BCL11B: variants seen among roughly 807,000 people sequenced by gnomAD.
The protein encoded by BCL11B is BCL11 transcription factor B, also known as B-cell lymphoma/leukemia 11B.
Under a neutral mutation model 49.9 loss-of-function variants are expected in BCL11B, and 8 were observed. The ratio of observed to expected loss-of-function variants is 0.16; its 90% CI spans 0.09 to 0.29. The LOEUF (loss-of-function observed/expected upper bound fraction) is 0.29, where lower values mean the gene tolerates loss of function less well. Ranked by LOEUF, BCL11B falls within the 10% of genes least tolerant of loss-of-function variation. BCL11B has a pLI of 1.00. For synonymous variants in BCL11B, 739 were observed against 637.4 expected (o/e 1.16, Z -2.40); for missense variants, 1,006 against 1,351.0 (o/e 0.74, Z 4.00).
At chr14:99,203,763 A>T (rs1484598378) in intron 3 of BCL11B, among the ~76,000 whole-genome samples, 1 of 152,188 alleles carries the variant, frequency 6.6e-6, no homozygotes, top group East Asian at 1.9e-4. Flanking sequence ...CCTACCCCCA[A>T]CACTGAAGGC....
rs978313472 is a variant in BCL11B, at chr14:99,259,063, G to T, written c.59-1224C>A. Among the ~76,000 whole-genome samples, 12 of 152,260 alleles carry T rather than the reference G, an allele frequency of 7.9e-5. 1 individual carries two copies. The East Asian group carries it at 2.3e-3, about 29-fold the overall frequency. ...GTGGAGGTTTCATATTCCCCTCGGG[G>T]TCTGAGCAAATTCGGGCTGGAATTT... is the stretch of plus-strand genomic sequence containing the variant. On this transcript the variant is annotated intron_variant, in intron 1 of 3. Transcript: ENST00000357195.
At chr14:99,186,357 C>T (rs902770054) in intron 3 of BCL11B, among the ~76,000 whole-genome samples, 2 of 152,206 alleles carry the variant, frequency 1.3e-5, no homozygotes, top group Admixed American at 1.3e-4. Flanking sequence ...CTCGTCTCTA[C>T]TAAAAATACA....
Position 99,247,574 on chromosome 14 carries a change from C to T in BCL11B, c.427+9897G>A, listed in dbSNP as rs1888884278. Among the ~76,000 whole-genome samples the T allele has an allele frequency of 6.6e-6, 1 of 152,200 alleles. No homozygotes were observed. The highest frequency in any genetic ancestry group is 6.5e-5 in the Admixed American group (1 of 15,280). On this transcript the variant is annotated intron_variant, in intron 2 of 3. Transcript: ENST00000357195. The surrounding 1 kb of genome is among the most constrained non-coding windows in gnomAD (Gnocchi z 4.5). ...CTGGCTACACTCTCCAGGAGGTGTG[C>T]TCTACCCTGAAAAAGGCTTTGAAAT...
At position 99,245,951 on chromosome 14, in the gene BCL11B, G is replaced by A. The variant is rs375457644; in HGVS notation, c.427+11520C>T. ...TGCTGGGCTGGGGACCGACGGGGGC[G>A]GGGGGGAAAGGAGCCGGGAAAAAAG... On this transcript the variant is annotated intron_variant, in intron 2 of 3. Transcript: ENST00000357195. Among the ~76,000 whole-genome samples, 10 of 151,982 alleles carry A rather than the reference G, an allele frequency of 6.6e-5. No homozygotes were observed. In the South Asian group the frequency reaches 1.5e-3, roughly 22 times the overall value.
chr14:99,217,763 G>C (rs1013090564), intron 3 of BCL11B, among the ~76,000 whole-genome samples: 2 of 152,246 alleles, frequency 1.3e-5, no homozygotes, highest in African/African-American at 4.8e-5. Flanking sequence ...CAGACAAATG[G>C]TGCTCAGAAC....
intron 3 of BCL11B, among the ~76,000 whole-genome samples, chr14:99,182,001 C>G (rs923347842): frequency 6.6e-6 from 1 of 152,126 alleles, no homozygotes; most frequent in African/African-American, 2.4e-5. Context: ...TCTTTCATGA[C>G]GTCAGAAAGG....
chr14:99,228,090 C>T lies in BCL11B; in HGVS notation c.640+3255G>A, dbSNP rs1316884440. On this transcript the variant is annotated intron_variant, in intron 3 of 3. Transcript: ENST00000357195. This position sits in a 1 kb window ranked among gnomAD's most constrained non-coding sequence, Gnocchi z 4.8. ...AACTGCAGATGCGGTAACAGGCACG[C>T]AATTAACCTGTGTGAAACACGTTTA... 6.6e-6 allele frequency among the ~76,000 whole-genome samples: 1 copy of T among 152,194 alleles called. No homozygotes were observed. Among genetic ancestry groups the T allele is most frequent in the African/African-American group, 2.4e-5 (1 of 41,454 alleles).
At chr14:99,229,271 A>G (rs1385134817) in intron 3 of BCL11B, among the ~76,000 whole-genome samples, 1 of 152,188 alleles carries the variant, frequency 6.6e-6, no homozygotes, top group Admixed American at 6.5e-5. Flanking sequence ...TCAAGAAGGC[A>G]CACATGCCCA....
In BCL11B at chr14:99,263,874, C is replaced by T. The variant is rs147383555; in HGVS notation, c.59-6035G>A. Among the ~76,000 whole-genome samples, 184 of 152,348 alleles carry T rather than the reference C, an allele frequency of 1.2e-3. 2 individuals carry two copies. The South Asian group carries it at 0.017, about 14-fold the overall frequency. ...AGAACAAGTGAATAAGGAAAACATA[C>T]TCAGGTATATTCACAGGTCTCAGCC... On this transcript the variant is annotated intron_variant, in intron 1 of 3. Coordinates refer to ENST00000357195, the MANE Select transcript of BCL11B (RefSeq NM_138576.4).
At chr14:99,252,180 G>A (rs1222200857) in intron 2 of BCL11B, among the ~76,000 whole-genome samples, 7 of 152,090 alleles carry the variant, frequency 4.6e-5, no homozygotes, top group Admixed American at 4.6e-4. Flanking sequence ...CTATTCCTCG[G>A]TGCAGACAGA....
Position 99,175,610 on chromosome 14 carries a change from A to C in BCL11B, c.1226T>G (p.Leu409Arg). The change falls in exon 4 of 4, where the codon CTG becomes CGG. Residue 409 changes from leucine to arginine, a missense_variant. Physicochemically the swap from Leu to Arg is moderately radical, Grantham distance 102. This residue lies in a region of BCL11B where 97 missense variants were observed against 81.5 expected (regional missense o/e 1.19). Transcript: ENST00000357195. Reference protein sequence around the residue: ...PKSPFLSTPPLPPMPPGGTPP... With the variant: ...PKSPFLSTPPRPPMPPGGTPP... ...CGTGCCGCCAGGGGGCATGGGCGGC[A>C]GCGGCGGCGTGCTCAGGAACGGGGA... 1 of 1,564,636 alleles carries C rather than the reference A, an allele frequency of 6.4e-7. No homozygotes were observed. The highest frequency in any genetic ancestry group is 8.6e-7 in the Non-Finnish European group (1 of 1,161,942).
At chr14:99,259,122 C>T (rs915725077) in intron 1 of BCL11B, among the ~76,000 whole-genome samples, 12 of 152,088 alleles carry the variant, frequency 7.9e-5, no homozygotes, top group African/African-American at 2.9e-4. Flanking sequence ...GTAGAGAAGA[C>T]ACGAGTGGCG....
intron 3 of BCL11B, among the ~76,000 whole-genome samples, chr14:99,212,168 G>C (rs552314614): frequency 5.9e-5 from 9 of 152,248 alleles, no homozygotes; most frequent in South Asian, 2.1e-4. Flanking sequence ...CTGAGCACTG[G>C]GGGGGCTAGA....
intron 1 of BCL11B, among the ~76,000 whole-genome samples, chr14:99,261,055 A>G (rs1889322661): frequency 6.6e-6 from 1 of 152,178 alleles, no homozygotes; most frequent in South Asian, 2.1e-4. Flanking sequence ...CCCGATTCCA[A>G]AGAACGGGGT....
At chr14:99,265,883 T>C (rs1312461261) in intron 1 of BCL11B, among the ~76,000 whole-genome samples, 1 of 152,230 alleles carries the variant, frequency 6.6e-6, no homozygotes, top group Non-Finnish European at 1.5e-5. Context: ...TCTGCTCATA[T>C]ATTGAACTCT....
chr14:99,195,591 G>C lies in BCL11B; in HGVS notation c.641-19396C>G, dbSNP rs967012192. ...GCTCGTATGCCTTGGATTCCACATG[G>C]AGGATCCAAGCTCAGAGAGGTAAAG... is the stretch of plus-strand genomic sequence containing the variant. On this transcript the variant is annotated intron_variant, in intron 3 of 3. Transcript: ENST00000357195. This position sits in a 1 kb window ranked among gnomAD's most constrained non-coding sequence, Gnocchi z 4.7. Among the ~76,000 whole-genome samples, 1 of 152,146 alleles carries C rather than the reference G, an allele frequency of 6.6e-6. No individual in the cohort carries two copies. The highest frequency in any genetic ancestry group is 2.4e-5 in the African/African-American group (1 of 41,408).
chr14:99,228,994 A>G lies in BCL11B; in HGVS notation c.640+2351T>C, dbSNP rs1888235906. On this transcript the variant is annotated intron_variant, in intron 3 of 3. Coordinates refer to ENST00000357195, the MANE Select transcript of BCL11B (RefSeq NM_138576.4). This position sits in a 1 kb window ranked among gnomAD's most constrained non-coding sequence, Gnocchi z 4.8. ...TGGATGCATGGATGGATGGATGGCT[A>G]CATGGATGAATGGATGGATGGATGG... Among the ~76,000 whole-genome samples the G allele has an allele frequency of 9.5e-6, 1 of 104,846 alleles. No individual in the cohort carries two copies. Among genetic ancestry groups the G allele is most frequent in the East Asian group, 3.7e-4 (1 of 2,696 alleles). The allele number at this position is 104,846 out of a possible 152,430, so 68.8% of individuals were successfully genotyped here. A position where few individuals can be genotyped will look rare whatever the true frequency, so the allele number is the denominator to read the frequency against.
chr14:99,199,709 T>TGC (rs1468038983), intron 3 of BCL11B, among the ~76,000 whole-genome samples: 23 of 130,264 alleles, frequency 1.8e-4, no homozygotes, highest in East Asian at 2.4e-4. Context: ...CGTGCACGTG[T>TGC]GTGCGTGTGT....
chr14:99,250,138 C>A (rs1247997171), intron 2 of BCL11B, among the ~76,000 whole-genome samples: 1 of 151,020 alleles, frequency 6.6e-6, no homozygotes, highest in African/African-American at 2.4e-5. Context: ...TGGGTTCACA[C>A]CATTCTCCTG....
Sources: allele counts gnomAD v4.1 joint callset (sites outside exome capture counted in the v4.1 genomes callset), GRCh38; gene constraint gnomAD v4.1.1; regional missense constraint gnomAD v4.1.1; non-coding constraint Gnocchi (gnomAD v3.1); transcripts MANE v1.5; gene names NCBI Gene and HGNC (gene_info 2026-07-23, HGNC 2026-07-21).